ZNF506: variants seen among roughly 807,000 people sequenced by gnomAD.
The protein encoded by ZNF506 is zinc finger protein 506.
In ZNF506, 10 loss-of-function variants were observed where a neutral mutation model predicts 11.6. The ratio of observed to expected loss-of-function variants is 0.86; its 90% CI spans 0.53 to 1.46. The LOEUF is 1.46. Ranked by LOEUF, ZNF506 falls within the 40% of genes most tolerant of loss-of-function variation. The pLI is 0.00. For missense variants in ZNF506, 425 were observed against 521.2 expected, an observed-to-expected ratio of 0.82 and a Z score of 1.80; for synonymous variants, 156 against 173.3, an observed-to-expected ratio of 0.90 and a Z score of 0.78.
chr19:19,801,714 C>T (rs1458550162), intron 3 of ZNF506, among the ~76,000 whole-genome samples: 3 of 151,794 alleles, frequency 2.0e-5, no homozygotes, highest in Non-Finnish European at 4.4e-5. Context: ...TCTCTTGTAC[C>T]CAGGAGGCGG....
chr19:19,801,476 C>T (rs1456371305), intron 3 of ZNF506, among the ~76,000 whole-genome samples: 1 of 145,396 alleles, frequency 6.9e-6, no homozygotes, highest in Non-Finnish European at 1.5e-5. Context: ...ACATGGGCAA[C>T]AGAACGAGAA....
intron 1 of ZNF506, among the ~76,000 whole-genome samples, chr19:19,811,034 C>G (rs61302676): frequency 0.058 from 8,846 of 151,990 alleles, 325 homozygotes; most frequent in South Asian, 0.11. Context: ...TTTGTTTTTC[C>G]TAAGCTTACC....
At chr19:19,799,186 CGT>C (rs922529013) in intron 3 of ZNF506, 8 of 316,866 alleles carry the variant, frequency 2.5e-5, no homozygotes, top group Admixed American at 1.9e-4. Flanking sequence ...TGTATTTGTG[CGT>C]GTGTGTGTCT....
chr19:19,797,437 A>G lies in ZNF506; in HGVS notation c.227-1777T>C, dbSNP rs865791493. 806 of 135,758 alleles carry G rather than the reference A, an allele frequency of 5.9e-3. 7 individuals are homozygous for G. Among genetic ancestry groups the G allele is most frequent in the African/African-American group, 0.024 (766 of 31,804 alleles). 8.4% of individuals were successfully genotyped at this position (135,758 alleles called of 1,614,324 possible). A position where few individuals can be genotyped will look rare whatever the true frequency, so the allele number is the denominator to read the frequency against. ...CTCCAGGGCGAGACTCCGTCTCAGG[A>G]AAAAAAAAAAAAAAAAAACAAATAA... On this transcript the variant is annotated intron_variant, in intron 3 of 3. Transcript: ENST00000540806.
chr19:19,814,165 G>T (rs151242358), intron 1 of ZNF506, among the ~76,000 whole-genome samples: 4,331 of 151,886 alleles, frequency 0.029, 114 homozygotes, highest in South Asian at 0.092. Context: ...TCCCAGCACT[G>T]TGGGAGGCCA....
chr19:19,813,849 G>A (rs2062904575), intron 1 of ZNF506, among the ~76,000 whole-genome samples: 1 of 152,038 alleles, frequency 6.6e-6, no homozygotes. Context: ...GGTAACGCCC[G>A]CATGTAGTCC....
intron 1 of ZNF506, among the ~76,000 whole-genome samples, chr19:19,819,125 G>C (rs1371000341): frequency 6.6e-6 from 1 of 152,148 alleles, no homozygotes; most frequent in Non-Finnish European, 1.5e-5. Flanking sequence ...ACCGCGCCAT[G>C]CCCCAGTGAG....
In ZNF506 at chr19:19,794,581, C is replaced by T. The variant is rs2062721719; in HGVS notation, c.1306G>A (p.Val436Ile). Residue 436 changes from valine to isoleucine, a missense_variant, in exon 4 of 4, where the codon GTT becomes ATT. Physicochemically the swap from Val to Ile is conservative, Grantham distance 29 (BLOSUM62 3). This residue lies in a region of ZNF506 where 192 missense variants were observed against 215.7 expected (regional missense o/e 0.89). Coordinates refer to ENST00000540806, the MANE Select transcript of ZNF506 (RefSeq NM_001099269.3). ...CTTATGCTTATTAAGGGTTGAGGAA[C>T]ATTTAAAAGATTTTCCACATTCTTC... Reference protein sequence around the residue: ...IVKNVENLLNVPQPLISIR With the variant: ...IVKNVENLLNIPQPLISIR 2 of 1,601,300 alleles carry T rather than the reference C, an allele frequency of 1.2e-6. No homozygotes were observed.
intron 1 of ZNF506, among the ~76,000 whole-genome samples, chr19:19,815,673 CCA>C (rs2062924820): frequency 6.6e-6 from 1 of 152,188 alleles, no homozygotes. Context: ...CTGACAGCAC[CCA>C]GAGTCATCGT....
chr19:19,821,334 C>A (rs1196614681), intron 1 of ZNF506, among the ~76,000 whole-genome samples: 5 of 152,208 alleles, frequency 3.3e-5, no homozygotes, highest in African/African-American at 7.2e-5. Context: ...CTGGGAAAGA[C>A]CTGTGGGTGC....
chr19:19,798,322 G>C (rs1599508824), intron 3 of ZNF506: 1 of 152,102 alleles, frequency 6.6e-6, no homozygotes, highest in South Asian at 2.1e-4. Context: ...GGATCTTTTA[G>C]AGGTTTTAGA....
chr19:19,812,510 C>T (rs1317500924), intron 1 of ZNF506, among the ~76,000 whole-genome samples: 2 of 152,218 alleles, frequency 1.3e-5, no homozygotes, highest in Non-Finnish European at 2.9e-5. Context: ...ACTTTGCAGC[C>T]TTGATCTCTC....
intron 1 of ZNF506, among the ~76,000 whole-genome samples, chr19:19,815,165 CAGG>C (rs1273445500): frequency 2.0e-5 from 3 of 152,168 alleles, no homozygotes; most frequent in Non-Finnish European, 2.9e-5. Context: ...GAGGCTGAGA[CAGG>C]AGAATGGCGT....
chr19:19,804,875 T>C (rs896947506), intron 3 of ZNF506, among the ~76,000 whole-genome samples: 8 of 152,038 alleles, frequency 5.3e-5, no homozygotes, highest in African/African-American at 9.7e-5. Flanking sequence ...TAGGTGGGAA[T>C]TGAACAATGA....
intron 1 of ZNF506, among the ~76,000 whole-genome samples, chr19:19,812,647 G>A (rs1485535346): frequency 3.3e-5 from 5 of 152,072 alleles, no homozygotes; most frequent in African/African-American, 1.2e-4. Flanking sequence ...CCTTTTGTTA[G>A]TTTTCTGTAC....
chr19:19,794,508 T>A lies in ZNF506; in HGVS notation c.*44A>T. 6.5e-7 allele frequency: 1 copy of A among 1,537,278 alleles called. No individual in the cohort carries two copies. The highest frequency in any genetic ancestry group is 8.7e-7 in the Non-Finnish European group (1 of 1,144,582). ...TCAGAGTCCAGGGCTAGTTAAAGGC[T>A]TTCCCACATTCATCACATTCATACG... On this transcript the variant is annotated 3_prime_UTR_variant, in exon 4 of 4. Coordinates refer to ENST00000540806, the MANE Select transcript of ZNF506 (RefSeq NM_001099269.3).
chr19:19,793,149 C>T lies in ZNF506; in HGVS notation c.*1403G>A, dbSNP rs1000047772. ...TTTTTTCAAGAAACAAGTACACTTT[C>T]AATGAAATTACAATGCTTCAGAAAA... On this transcript the variant is annotated 3_prime_UTR_variant, in exon 4 of 4. Coordinates refer to ENST00000540806, the MANE Select transcript of ZNF506 (RefSeq NM_001099269.3). 6.6e-6 allele frequency among the ~76,000 whole-genome samples: 1 copy of T among 151,982 alleles called. No individual in the cohort carries two copies. The highest frequency in any genetic ancestry group is 2.4e-5 in the African/African-American group (1 of 41,390).
intron 1 of ZNF506, among the ~76,000 whole-genome samples, chr19:19,813,292 T>C (rs1210060684): frequency 2.0e-5 from 3 of 152,226 alleles, no homozygotes; most frequent in Non-Finnish European, 4.4e-5. Flanking sequence ...ATATTAGATA[T>C]AAATATCTAA....
rs551897064 is a variant in ZNF506 at position 19,817,035 on chromosome 19, A to G, written c.3+4566T>C. ...AGGCTGGTCTGAAACCCCTGACCTC[A>G]GGTGATCCACCTGCCTCGGCTTCCC... On this transcript the variant is annotated intron_variant, in intron 1 of 3. Transcript: ENST00000540806. 1.4e-4 allele frequency among the ~76,000 whole-genome samples: 22 copies of G among 152,008 alleles called. No homozygotes were observed. In the South Asian group the frequency reaches 4.6e-3, roughly 32 times the overall value.
Sources: allele counts gnomAD v4.1 joint callset (sites outside exome capture counted in the v4.1 genomes callset), GRCh38; gene constraint gnomAD v4.1.1; regional missense constraint gnomAD v4.1.1; transcripts MANE v1.5; gene names NCBI Gene and HGNC (gene_info 2026-07-23, HGNC 2026-07-21).